The following ARF5 variants were observed in gnomAD, a reference collection of about 807,000 sequenced individuals.
ARF5 encodes the protein ARF GTPase 5, also known as ADP-ribosylation factor 5.
A neutral mutation model predicts 24.8 loss-of-function variants in ARF5; 10 were observed. That is an observed-to-expected ratio of 0.40 (90% CI 0.25 to 0.68). The LOEUF is 0.68. ARF5 is among the 30% of genes least tolerant of loss of function. The pLI is 0.36. For synonymous variants in ARF5, 102 were observed against 95.1 expected (o/e 1.07, Z -0.42); for missense variants, 135 against 239.2 (o/e 0.56, Z 2.87).
At chr7:127,588,788 C>T in intron 1 of ARF5, 1 of 574,544 alleles carries the variant, frequency 1.7e-6, no homozygotes, top group South Asian at 2.5e-5. Flanking sequence ...CTCCCTCCGC[C>T]CCAGCCCGGC....
At chr7:127,589,725 G>A (rs1156254487) in intron 3 of ARF5, 131 bp downstream of exon 3, 8 of 686,622 alleles carry the variant, frequency 1.2e-5, no homozygotes, top group African/African-American at 1.8e-5. Flanking sequence ...CCTTCTGTTT[G>A]GCTATCCCCT....
intron 4 of ARF5, among the ~76,000 whole-genome samples, chr7:127,590,657 G>A (rs1403289170): frequency 6.6e-6 from 1 of 152,214 alleles, no homozygotes; most frequent in Non-Finnish European, 1.5e-5. Flanking sequence ...TTACATCTGA[G>A]TCTGAGAAGT....
chr7:127,589,279 A>G, intron 2 of ARF5, 116 bp downstream of exon 2: 1 of 1,311,078 alleles, frequency 7.6e-7, no homozygotes, highest in Non-Finnish European at 1.1e-6. Flanking sequence ...GCTATTTGAG[A>G]AGTGGGTCAG....
At position 127,590,151 on chromosome 7, in the gene ARF5, G is replaced by C; in HGVS notation, c.330+14G>C. 6.2e-7 allele frequency: 1 copy of C among 1,612,300 alleles called. No homozygotes were observed. Reference sequence around the variant, plus strand: ...CTCCAGAAGATGGTGAGTACCCAGAGCCCTGGGAACTGAGCCCTCAGCTTG... The same window carrying C: ...CTCCAGAAGATGGTGAGTACCCAGACCCCTGGGAACTGAGCCCTCAGCTTG... On this transcript the variant is annotated intron_variant, in intron 4 of 5. Transcript: ENST00000000233.
At chr7:127,588,975 C>G (rs1325726636) in intron 1 of ARF5, 108 bp from the exon 2 acceptor site, 5 of 1,341,820 alleles carry the variant, frequency 3.7e-6, no homozygotes, top group South Asian at 2.5e-5. Context: ...TGGAGGCGCT[C>G]CCGCTCTCCG....
At chr7:127,590,408 C>G (rs879864871) in intron 4 of ARF5, among the ~76,000 whole-genome samples, 3 of 151,858 alleles carry the variant, frequency 2.0e-5, no homozygotes, top group Non-Finnish European at 4.4e-5. Flanking sequence ...TCTCGGCTCA[C>G]TGCAACCTCC....
rs112290402 is a variant in ARF5, at chr7:127,589,628, G to A, written c.258+34G>A. ...TTGGGAGGGGACTTTCTAACCCCACGGGAAAAGGTGTTAGGGCTGGGAGAA... is the reference window on the plus strand; with the variant it reads ...TTGGGAGGGGACTTTCTAACCCCACAGGAAAAGGTGTTAGGGCTGGGAGAA... On this transcript the variant is annotated intron_variant, in intron 3 of 5. Transcript: ENST00000000233. 130 of 1,523,594 alleles carry A rather than the reference G, an allele frequency of 8.5e-5. 5 individuals are homozygous for A. In the African/African-American group the frequency reaches 9.4e-4, roughly 11 times the overall value. 94.4% of individuals were successfully genotyped at this position (1,523,594 alleles called of 1,614,324 possible). A position where few individuals can be genotyped will look rare whatever the true frequency, so the allele number is the denominator to read the frequency against.
Position 127,589,180 on chromosome 7 carries a change from A to AGCAG in ARF5, c.148+19_148+22dup. On this transcript the variant is annotated intron_variant, in intron 2 of 5. Coordinates refer to ENST00000000233, the MANE Select transcript of ARF5 (RefSeq NM_001662.4). ...CAACCATAGGTGAGCCCGGGGACGA[A>AGCAG]GCAGGGAGCGGGAGCGCCGCGGCGG... 6.2e-7 allele frequency: 1 copy of AGCAG among 1,613,722 alleles called. No individual in the cohort carries two copies. Among genetic ancestry groups the AGCAG allele is most frequent in the Non-Finnish European group, 8.5e-7 (1 of 1,179,718 alleles).
chr7:127,589,639 T>C, intron 3 of ARF5, 45 bp downstream of exon 3: 1 of 1,484,000 alleles, frequency 6.7e-7, no homozygotes, highest in Middle Eastern at 1.8e-4. Context: ...GGAAAAGGTG[T>C]TAGGGCTGGG....
Position 127,591,644 on chromosome 7 carries a change from C to G in ARF5, c.*345C>G, listed in dbSNP as rs576610091. 8 of 303,272 alleles carry G rather than the reference C, an allele frequency of 2.6e-5. No individual in the cohort carries two copies. Among genetic ancestry groups the G allele is most frequent in the Non-Finnish European group, 5.0e-5 (8 of 161,324 alleles). 18.8% of individuals were successfully genotyped at this position (303,272 alleles called of 1,614,324 possible). On this transcript the variant is annotated 3_prime_UTR_variant, in exon 6 of 6. Transcript: ENST00000000233. ...GTTGGGAGGGGGAAGGTGAGGGCTTCGGGTGGTGCTATAATGTGGCACTGG... is the reference window on the plus strand; with the variant it reads ...GTTGGGAGGGGGAAGGTGAGGGCTTGGGGTGGTGCTATAATGTGGCACTGG...
chr7:127,589,365 C>A, intron 2 of ARF5, 120 bp from the exon 3 acceptor site: 1 of 1,094,774 alleles, frequency 9.1e-7, no homozygotes, highest in Non-Finnish European at 1.4e-6. Context: ...TTCTGGGGTT[C>A]TGTTCCCCTG....
chr7:127,588,455 C>G lies in ARF5; in HGVS notation c.-44C>G, dbSNP rs757677669. On this transcript the variant is annotated 5_prime_UTR_variant, in exon 1 of 6. Transcript: ENST00000000233. Reference sequence around the variant, plus strand: ...TCCCCCCGCGGCCGGCCAGTTCCAGCCCGCACCCCGCGTCGGTGCCCGCGC... The same window carrying G: ...TCCCCCCGCGGCCGGCCAGTTCCAGGCCGCACCCCGCGTCGGTGCCCGCGC... 7.3e-7 allele frequency: 1 copy of G among 1,369,454 alleles called. No homozygotes were observed. Among genetic ancestry groups the G allele is most frequent in the Non-Finnish European group, 9.7e-7 (1 of 1,035,656 alleles). 84.8% of individuals were successfully genotyped at this position (1,369,454 alleles called of 1,614,324 possible). A position where few individuals can be genotyped will look rare whatever the true frequency, so the allele number is the denominator to read the frequency against.
intron 3 of ARF5, 200 bp downstream of exon 3, chr7:127,589,794 GATTCT>G: frequency 3.3e-6 from 2 of 609,972 alleles, no homozygotes; most frequent in Non-Finnish European, 5.8e-6. Flanking sequence ...TTAGAAGCAG[GATTCT>G]GGGACCAGGC....
intron 1 of ARF5, 181 bp downstream of exon 1, chr7:127,588,746 C>T (rs1794241105): frequency 4.7e-6 from 3 of 639,642 alleles, no homozygotes; most frequent in African/African-American, 1.9e-5. Context: ...CGGGGCCTGA[C>T]ACCCGGAGCT....
At chr7:127,589,198 C>T (rs375151555) in intron 2 of ARF5, 35 bp downstream of exon 2, 14 of 1,610,174 alleles carry the variant, frequency 8.7e-6, no homozygotes, top group African/African-American at 1.3e-5. Flanking sequence ...GCGGGAGCGC[C>T]GCGGCGGGCC....
chr7:127,590,936 G>A (rs1156642483), intron 4 of ARF5, 27 bp from the exon 5 acceptor site: 5 of 1,605,400 alleles, frequency 3.1e-6, no homozygotes, highest in Non-Finnish European at 4.3e-6. Flanking sequence ...CGCAGCCTGG[G>A]TCCCACCTTC....
In ARF5 at chr7:127,588,486, C is replaced by A; in HGVS notation, c.-13C>A. On this transcript the variant is annotated 5_prime_UTR_variant, in exon 1 of 6. Coordinates refer to ENST00000000233, the MANE Select transcript of ARF5 (RefSeq NM_001662.4). ...CCCCGCGTCGGTGCCCGCGCCCCTC[C>A]CCGGGCCCCGCCATGGGCCTCACCG... The A allele has an allele frequency of 7.0e-7, 1 of 1,438,484 alleles. No individual in the cohort carries two copies. The allele number at this position is 1,438,484 out of a possible 1,614,324, so 89.1% of individuals were successfully genotyped here.
intron 5 of ARF5, 56 bp from the exon 6 acceptor site, chr7:127,591,157 T>G (rs969831020): frequency 1.9e-6 from 3 of 1,608,662 alleles, no homozygotes; most frequent in Admixed American, 3.5e-5. Context: ...GACAGAGATA[T>G]AAAGGCATTC....
At chr7:127,590,241 G>A (rs1396456483) in intron 4 of ARF5, 104 bp downstream of exon 4, 1 of 923,358 alleles carries the variant, frequency 1.1e-6, no homozygotes, top group Non-Finnish European at 1.8e-6. Flanking sequence ...TGAAGACCAG[G>A]AATATAAGTT....
Sources: gnomAD v4.1 joint callset for allele counts (sites outside exome capture counted in the v4.1 genomes callset) on GRCh38, gnomAD v4.1.1 for gene constraint, MANE v1.5 for transcripts, NCBI Gene and HGNC (gene_info 2026-07-23, HGNC 2026-07-21) for gene names.